The following CSMD1 variants were observed in gnomAD, a reference collection of about 807,000 sequenced individuals.
The protein encoded by CSMD1 is CUB and sushi domain-containing protein 1.
A neutral mutation model predicts 417.5 loss-of-function variants in CSMD1; 213 were observed. The observed-to-expected ratio is 0.51, with a 90% CI of 0.46 to 0.57. The LOEUF is 0.57. Among genes scored for constraint, CSMD1 ranks in the 20% least tolerant of loss-of-function variants. The pLI is 0.00. For synonymous variants in CSMD1, 2,862 were observed against 1,736.8 expected (o/e 1.65, Z -16.11); for missense variants, 6,923 against 4,529.7 (o/e 1.53, Z -15.17).
At chr8:2,989,224 A>C (rs2128946394) in intron 54 of CSMD1, among the ~76,000 whole-genome samples, 1 of 152,254 alleles carries the variant, frequency 6.6e-6, no homozygotes, top group East Asian at 1.9e-4. Flanking sequence ...TTTGAGTTTT[A>C]TGCCATTGTT....
intron 7 of CSMD1, among the ~76,000 whole-genome samples, chr8:3,678,238 C>T (rs138520355): frequency 1.1e-3 from 161 of 152,184 alleles, no homozygotes; most frequent in Middle Eastern, 6.8e-3. Context: ...CAAACTTCTC[C>T]GAGCTAAAGG....
At position 4,518,738 on chromosome 8, in the gene CSMD1, G is replaced by A. The variant is rs374529760; in HGVS notation, c.303-98673C>T. On this transcript the variant is annotated intron_variant, in intron 2 of 69. Coordinates refer to ENST00000635120, the MANE Select transcript of CSMD1 (RefSeq NM_033225.6). Reference sequence around the variant, plus strand: ...TATGTAACTAACCTGCACGTTGTGCGCATGTACCCTAAAACTTAAATTATA... The same window carrying A: ...TATGTAACTAACCTGCACGTTGTGCACATGTACCCTAAAACTTAAATTATA... 1.1e-3 allele frequency among the ~76,000 whole-genome samples: 160 copies of A among 151,548 alleles called. No individual in the cohort carries two copies. In the East Asian group the frequency reaches 0.021, roughly 20 times the overall value.
chr8:4,650,215 G>A (rs1451215494), intron 1 of CSMD1, among the ~76,000 whole-genome samples: 1 of 151,730 alleles, frequency 6.6e-6, no homozygotes, highest in East Asian at 1.9e-4. Flanking sequence ...TGTGGTGGCG[G>A]GCGCCTGTAG....
At chr8:4,629,902 C>T (rs1802404676) in intron 2 of CSMD1, among the ~76,000 whole-genome samples, 2 of 152,096 alleles carry the variant, frequency 1.3e-5, no homozygotes, top group South Asian at 4.1e-4. Context: ...TTTCCTTAGG[C>T]TTTAACTTTC....
Position 4,600,881 on chromosome 8 carries a change from C to G in CSMD1, c.302+36461G>C, listed in dbSNP as rs1249425361. Among the ~76,000 whole-genome samples the G allele has an allele frequency of 4.6e-5, 7 of 151,846 alleles. No homozygotes were observed. The East Asian group carries it at 1.4e-3, about 29-fold the overall frequency. The stretch of plus-strand genomic sequence containing the variant: ...AGGTTTGCTTATCGCCACATTTATA[C>G]AGACTGTTGAGGAAGCTAAGAAAAA... On this transcript the variant is annotated intron_variant, in intron 2 of 69. Transcript: ENST00000635120.
intron 12 of CSMD1, among the ~76,000 whole-genome samples, chr8:3,458,623 A>G (rs780626223): frequency 6.6e-6 from 1 of 152,246 alleles, no homozygotes; most frequent in Admixed American, 6.5e-5. Flanking sequence ...AGACAACGGA[A>G]CGCTAGTTGG....
chr8:3,925,757 G>C (rs529149245), intron 5 of CSMD1, among the ~76,000 whole-genome samples: 144 of 152,158 alleles, frequency 9.5e-4, no homozygotes, highest in Middle Eastern at 3.4e-3. Context: ...ATGTGGAACT[G>C]TAAGTCCCAT....
intron 17 of CSMD1, among the ~76,000 whole-genome samples, chr8:3,394,055 T>C (rs1324506213): frequency 8.9e-6 from 1 of 112,372 alleles, no homozygotes; most frequent in African/African-American, 3.2e-5. Flanking sequence ...TATATATATA[T>C]AGAAAAAAAG....
At chr8:4,044,503 G>A (rs891980019) in intron 3 of CSMD1, among the ~76,000 whole-genome samples, 3 of 152,188 alleles carry the variant, frequency 2.0e-5, no homozygotes, top group South Asian at 2.1e-4. Context: ...CCCCTCCAGA[G>A]GGAGGAAGGA....
Position 4,758,848 on chromosome 8 carries a change from C to T in CSMD1, c.86-121290G>A, listed in dbSNP as rs1563311435. On this transcript the variant is annotated intron_variant, in intron 1 of 69. Transcript: ENST00000635120. The stretch of plus-strand genomic sequence containing the variant: ...CTCCCACCAGGTCTCTCCCTCAAAA[C>T]CTGGGGATTACAATTCACAAAGTGA... Among the ~76,000 whole-genome samples, 4 of 152,256 alleles carry T rather than the reference C, an allele frequency of 2.6e-5. No individual in the cohort carries two copies. In the South Asian group the frequency reaches 6.2e-4, roughly 24 times the overall value.
At chr8:4,719,609 T>C (rs1437786716) in intron 1 of CSMD1, among the ~76,000 whole-genome samples, 5 of 150,872 alleles carry the variant, frequency 3.3e-5, no homozygotes, top group Non-Finnish European at 5.9e-5. Flanking sequence ...GATGGTAAGG[T>C]CAATAAAAAC....
chr8:4,556,781 C>A (rs9657398), intron 2 of CSMD1, among the ~76,000 whole-genome samples: 2,602 of 152,228 alleles, frequency 0.017, 35 homozygotes, highest in Non-Finnish European at 0.026. Flanking sequence ...CCAAAACACC[C>A]AAACTTTCTG....
At chr8:4,395,979 C>A (rs1333446738) in intron 3 of CSMD1, among the ~76,000 whole-genome samples, 3 of 152,190 alleles carry the variant, frequency 2.0e-5, no homozygotes, top group African/African-American at 7.2e-5. Context: ...TAAATATATT[C>A]TGTTACTTTT....
chr8:4,116,426 CAGATGG>C (rs1202659837), intron 3 of CSMD1, among the ~76,000 whole-genome samples: 8 of 151,746 alleles, frequency 5.3e-5, no homozygotes, highest in African/African-American at 1.5e-4. Flanking sequence ...CTGTACACAT[CAGATGG>C]CGACGTATGA....
chr8:3,436,747 C>G (rs1053322911), intron 12 of CSMD1, among the ~76,000 whole-genome samples: 2 of 152,128 alleles, frequency 1.3e-5, no homozygotes, highest in Non-Finnish European at 2.9e-5. Flanking sequence ...TGGCAATGAG[C>G]ATTTTTAGGA....
At position 3,397,058 on chromosome 8, in the gene CSMD1, T is replaced by TTA. The variant is rs146831484; in HGVS notation, c.2406-679_2406-678dup. ...CTTCCCGAGAATCTAGCCTGAGATT[T>TTA]TATATATATATATAAAGTTGCAGCC... On this transcript the variant is annotated intron_variant, in intron 16 of 69. Coordinates refer to ENST00000635120, the MANE Select transcript of CSMD1 (RefSeq NM_033225.6). Among the ~76,000 whole-genome samples the TTA allele has an allele frequency of 7.1e-3, 1,076 of 151,760 alleles. 5 individuals are homozygous for TTA. Among genetic ancestry groups the TTA allele is most frequent in the South Asian group, 0.013 (63 of 4,794 alleles).
chr8:4,637,718 C>T (rs867983969), intron 1 of CSMD1, among the ~76,000 whole-genome samples, 160 bp from the exon 2 acceptor site: 13 of 128,796 alleles, frequency 1.0e-4, no homozygotes, highest in Middle Eastern at 4.9e-3. Flanking sequence ...GGCCGGACTG[C>T]GGACTGCAGT....
intron 5 of CSMD1, among the ~76,000 whole-genome samples, chr8:3,968,758 ATGC>A (rs1250179695): frequency 1.3e-5 from 2 of 152,126 alleles, no homozygotes; most frequent in Non-Finnish European, 2.9e-5. Flanking sequence ...AACAACCAAA[ATGC>A]TGAAGATGGG....
chr8:4,179,276 T>C (rs1381060129), intron 3 of CSMD1, among the ~76,000 whole-genome samples: 5 of 152,058 alleles, frequency 3.3e-5, no homozygotes, highest in African/African-American at 4.8e-5. Context: ...TAATGCCACG[T>C]ATCTACAACT....
Sources: allele counts gnomAD v4.1 joint callset (sites outside exome capture counted in the v4.1 genomes callset), GRCh38; gene constraint gnomAD v4.1.1; transcripts MANE v1.5; gene names NCBI Gene and HGNC (gene_info 2026-07-23, HGNC 2026-07-21).